Variants in NTF3 observed in about 807,000 individuals in gnomAD.
NTF3 encodes neurotrophin 3.
In NTF3, 8 loss-of-function variants were observed where a neutral mutation model predicts 26.3. The observed-to-expected ratio is 0.30, with a 90% CI of 0.18 to 0.55. NTF3 has a LOEUF of 0.55. NTF3 is among the 20% of genes least tolerant of loss of function. NTF3 has a pLI of 0.93. For synonymous variants in NTF3, 154 were observed against 145.5 expected (o/e 1.06, Z -0.42); for missense variants, 276 against 352.9 (o/e 0.78, Z 1.75).
intron 1 of NTF3, among the ~76,000 whole-genome samples, chr12:5,463,170 G>T (rs914572280): frequency 2.0e-5 from 3 of 152,160 alleles, no homozygotes; most frequent in Admixed American, 2.0e-4. Context: ...TTTCAGAGCA[G>T]CAACACCAGA....
At chr12:5,470,198 A>G (rs373003194) in intron 1 of NTF3, among the ~76,000 whole-genome samples, 17 of 152,318 alleles carry the variant, frequency 1.1e-4, no homozygotes, top group African/African-American at 4.1e-4. Flanking sequence ...TGCTGGGATT[A>G]CAGGCGTGAG....
chr12:5,438,037 G>C (rs1030968285), intron 1 of NTF3, among the ~76,000 whole-genome samples: 1 of 152,052 alleles, frequency 6.6e-6, no homozygotes, highest in Admixed American at 6.6e-5. Context: ...TGAGAAAAAA[G>C]TTGGGGACAC....
intron 1 of NTF3, among the ~76,000 whole-genome samples, chr12:5,457,082 G>A (rs534665462): frequency 2.6e-5 from 4 of 152,196 alleles, no homozygotes; most frequent in Middle Eastern, 3.2e-3. Flanking sequence ...AGGATAAAAC[G>A]AGAACAGAGA....
At chr12:5,483,834 C>A (rs1353807973) in intron 1 of NTF3, among the ~76,000 whole-genome samples, 1 of 152,198 alleles carries the variant, frequency 6.6e-6, no homozygotes, top group Non-Finnish European at 1.5e-5. Context: ...TGAAGTCACC[C>A]AGAGTGATTG....
At chr12:5,445,189 C>T (rs1940288487) in intron 1 of NTF3, among the ~76,000 whole-genome samples, 1 of 151,808 alleles carries the variant, frequency 6.6e-6, no homozygotes, top group Non-Finnish European at 1.5e-5. Flanking sequence ...ATAGGCTCAT[C>T]GTGGAATAGG....
chr12:5,477,695 CTAAG>C (rs1403630859), intron 1 of NTF3, among the ~76,000 whole-genome samples: 1 of 152,174 alleles, frequency 6.6e-6, no homozygotes, highest in Non-Finnish European at 1.5e-5. Flanking sequence ...TGAGCCTTCA[CTAAG>C]TATGGAGTGC....
intron 1 of NTF3, among the ~76,000 whole-genome samples, chr12:5,449,978 T>C (rs1177786593): frequency 6.6e-6 from 1 of 152,148 alleles, no homozygotes; most frequent in Non-Finnish European, 1.5e-5. Flanking sequence ...GGTATCATTG[T>C]TTTTTCTGCC....
Position 5,448,318 on chromosome 12 carries a change from G to C in NTF3, c.18+15976G>C, listed in dbSNP as rs185786287. On this transcript the variant is annotated intron_variant, in intron 1 of 1. Transcript: ENST00000423158. ...ATTGCTGTTTTCACCTCTTCTTTAG[G>C]CTTGGGCTTTTCTATTGGTGGAATT... 3.0e-4 allele frequency among the ~76,000 whole-genome samples: 45 copies of C among 152,074 alleles called. 1 individual carries two copies. Among genetic ancestry groups the C allele is most frequent in the Admixed American group, 2.9e-3 (45 of 15,278 alleles).
intron 1 of NTF3, among the ~76,000 whole-genome samples, chr12:5,447,094 T>C (rs1250284739): frequency 6.6e-6 from 1 of 152,160 alleles, no homozygotes; most frequent in African/African-American, 2.4e-5. Flanking sequence ...GTGTCTGTCA[T>C]GTAAGTAAGT....
chr12:5,433,144 A>G lies in NTF3; in HGVS notation c.18+802A>G, dbSNP rs1274095422. On this transcript the variant is annotated intron_variant, in intron 1 of 1. Coordinates refer to ENST00000423158, the MANE Select transcript of NTF3 (RefSeq NM_001102654.2). The surrounding 1 kb of genome is among the most constrained non-coding windows in gnomAD (Gnocchi z 4.6). ...CCAGCGCCCACCCGGTGGCCACCCC[A>G]CCCTGGGCCTTTGCGCAGATGTTGG... is the stretch of plus-strand genomic sequence containing the variant. 6.6e-6 allele frequency: 1 copy of G among 152,062 alleles called. No homozygotes were observed. The highest frequency in any genetic ancestry group is 2.4e-5 in the African/African-American group (1 of 41,376). 9.4% of individuals were successfully genotyped at this position (152,062 alleles called of 1,614,324 possible). A position where few individuals can be genotyped will look rare whatever the true frequency, so the allele number is the denominator to read the frequency against.
At chr12:5,480,381 T>A (rs1333928044) in intron 1 of NTF3, among the ~76,000 whole-genome samples, 1 of 152,058 alleles carries the variant, frequency 6.6e-6, no homozygotes, top group Non-Finnish European at 1.5e-5. Context: ...AGGAAGACAA[T>A]AGAATGCTGT....
upstream of NTF3, among the ~76,000 whole-genome samples, chr12:5,431,211 C>T (rs1940082596): frequency 6.6e-6 from 1 of 152,214 alleles, no homozygotes; most frequent in Non-Finnish European, 1.5e-5. Flanking sequence ...TGTTGCTCGC[C>T]TTTCCTGCTT....
upstream of NTF3, among the ~76,000 whole-genome samples, chr12:5,431,435 GC>G (rs1940085186): frequency 6.6e-6 from 1 of 152,066 alleles, no homozygotes; most frequent in Non-Finnish European, 1.5e-5. Context: ...CCGCCCCCAC[GC>G]CCCTCTACCT....
intron 1 of NTF3, among the ~76,000 whole-genome samples, chr12:5,437,458 A>G (rs762155846): frequency 3.3e-5 from 5 of 152,156 alleles, no homozygotes; most frequent in Non-Finnish European, 7.3e-5. Flanking sequence ...CTCTTTCCCT[A>G]CATTCAGGAT....
chr12:5,449,959 C>T (rs907848432), intron 1 of NTF3, among the ~76,000 whole-genome samples: 4 of 152,170 alleles, frequency 2.6e-5, no homozygotes, highest in Admixed American at 2.0e-4. Context: ...TTTTCTTCTG[C>T]TTAACCAGGG....
chr12:5,432,650 G>A (rs544968122), intron 1 of NTF3, among the ~76,000 whole-genome samples: 1 of 149,816 alleles, frequency 6.7e-6, no homozygotes, highest in Admixed American at 6.6e-5. Flanking sequence ...TTGTCCCTCG[G>A]CTGCCCAAGA....
rs1037601868 is a variant in NTF3, at chr12:5,432,262, G to A, written c.-63G>A. ...CGGCGGGGTGGGGGAGACTTTGAATGACCGAGCTCGCGTCCACCTTTCTCT... is the reference window on the plus strand; with the variant it reads ...CGGCGGGGTGGGGGAGACTTTGAATAACCGAGCTCGCGTCCACCTTTCTCT... On this transcript the variant is annotated 5_prime_UTR_variant, in exon 1 of 2. The change abolishes an upstream ATG in the 5' untranslated region. Coordinates refer to ENST00000423158, the MANE Select transcript of NTF3 (RefSeq NM_001102654.2). 3.1e-6 allele frequency: 5 copies of A among 1,596,484 alleles called. No homozygotes were observed. The highest frequency in any genetic ancestry group is 4.3e-6 in the Non-Finnish European group (5 of 1,165,068).
At chr12:5,475,562 T>A (rs1031898541) in intron 1 of NTF3, among the ~76,000 whole-genome samples, 9 of 151,746 alleles carry the variant, frequency 5.9e-5, no homozygotes, top group African/African-American at 2.2e-4. Flanking sequence ...GGGCCAGGCA[T>A]GGTGGCTCAC....
Position 5,447,840 on chromosome 12 carries a change from A to C in NTF3, c.18+15498A>C, listed in dbSNP as rs1940324463. 5.3e-5 allele frequency among the ~76,000 whole-genome samples: 8 copies of C among 152,358 alleles called. No individual in the cohort carries two copies. The South Asian group carries it at 1.0e-3, about 20-fold the overall frequency. On this transcript the variant is annotated intron_variant, in intron 1 of 1. Coordinates refer to ENST00000423158, the MANE Select transcript of NTF3 (RefSeq NM_001102654.2). ...TCTCTGGGAACCTTGAGGAAGCACC[A>C]TAAGACATGGGAAGAAATGTTACAG...
Sources: gnomAD v4.1 joint callset for allele counts (sites outside exome capture counted in the v4.1 genomes callset) on GRCh38, gnomAD v4.1.1 for gene constraint, Gnocchi (gnomAD v3.1) non-coding constraint, MANE v1.5 for transcripts, NCBI Gene and HGNC (gene_info 2026-07-23, HGNC 2026-07-21) for gene names.